DLGAP2: variants seen among roughly 807,000 people sequenced by gnomAD.
DLGAP2 encodes the protein disks large-associated protein 2.
Under a neutral mutation model 100.3 loss-of-function variants are expected in DLGAP2, and 26 were observed. The observed-to-expected ratio is 0.26, with a 90% CI of 0.19 to 0.36. The LOEUF (loss-of-function observed/expected upper bound fraction) is 0.36. Ranked by LOEUF, DLGAP2 falls within the 10% of genes least tolerant of loss-of-function variation. The probability of loss-of-function intolerance (pLI) is 1.00; values close to 1 mark genes in which losing one functional copy is unlikely to be tolerated. For synonymous variants in DLGAP2, 886 were observed against 630.1 expected, an observed-to-expected ratio of 1.41 and a Z score of -6.08; for missense variants, 1,858 against 1,453.2, an observed-to-expected ratio of 1.28 and a Z score of -4.53.
chr8:1,497,750 G>A (rs1799591640), intron 3 of DLGAP2, among the ~76,000 whole-genome samples: 1 of 152,198 alleles, frequency 6.6e-6, no homozygotes, highest in African/African-American at 2.4e-5. Context: ...TAGAAGTACG[G>A]TAGTCCCCGC....
intron 6 of DLGAP2, among the ~76,000 whole-genome samples, chr8:1,615,455 A>G (rs1797118853): frequency 6.6e-6 from 1 of 152,252 alleles, no homozygotes; most frequent in Non-Finnish European, 1.5e-5. Context: ...GATGTGCTCA[A>G]AACGAAGCCT....
At position 1,548,783 on chromosome 8, in the gene DLGAP2, G is replaced by T. The variant is rs778327848; in HGVS notation, c.330G>T (p.Leu110=). The T allele has an allele frequency of 7.5e-6, 12 of 1,591,910 alleles. No individual in the cohort carries two copies. Among genetic ancestry groups the T allele is most frequent in the South Asian group, 3.4e-5 (3 of 88,824 alleles). The change falls in exon 5 of 15, where the codon CTG becomes CTT. Residue 110 remains leucine, a synonymous_variant. Transcript: ENST00000637795. ...CGCCCCCGGAGGACTGCGAGCACCT[G>T]CACCACGGGCCCGACGCGCGGCCGC... is the stretch of plus-strand genomic sequence containing the variant. ...GLAPPEDCEH[L]HHGPDARPPY... is the part of the protein sequence containing the mutation.
intron 2 of DLGAP2, among the ~76,000 whole-genome samples, chr8:1,019,954 A>G (rs1009694301): frequency 1.3e-5 from 2 of 152,234 alleles, no homozygotes; most frequent in Non-Finnish European, 2.9e-5. Context: ...TTTCCCCAGC[A>G]GCACGATAAA....
At chr8:1,417,558 G>T (rs572963196) in intron 3 of DLGAP2, among the ~76,000 whole-genome samples, 1 of 145,934 alleles carries the variant, frequency 6.9e-6, no homozygotes, top group Admixed American at 6.9e-5. Flanking sequence ...CCGAAGCCCA[G>T]AACAGGGGAG....
chr8:1,087,597 A>G (rs532801908), intron 2 of DLGAP2, among the ~76,000 whole-genome samples: 1 of 145,182 alleles, frequency 6.9e-6, no homozygotes, highest in East Asian at 2.0e-4. Context: ...TTCATCTTCT[A>G]GGCTGTCTCC....
intron 3 of DLGAP2, among the ~76,000 whole-genome samples, chr8:1,374,287 G>T (rs1028225182): frequency 6.6e-6 from 1 of 152,192 alleles, no homozygotes; most frequent in Non-Finnish European, 1.5e-5. Context: ...AGGCTGTGTG[G>T]TGGAGGTGGG....
chr8:1,151,585 G>A (rs2129051573), intron 2 of DLGAP2, among the ~76,000 whole-genome samples: 1 of 152,294 alleles, frequency 6.6e-6, no homozygotes, highest in Admixed American at 6.5e-5. Context: ...TGAGGGAGGT[G>A]AGGGGCACCT....
chr8:1,080,287 C>T (rs906458147), intron 2 of DLGAP2, among the ~76,000 whole-genome samples: 1 of 152,206 alleles, frequency 6.6e-6, no homozygotes, highest in Admixed American at 6.5e-5. Flanking sequence ...CGCCCCGCCG[C>T]CCGCGTGCTG....
At chr8:836,265 C>G (rs1796873679) in intron 1 of DLGAP2, among the ~76,000 whole-genome samples, 1 of 152,212 alleles carries the variant, frequency 6.6e-6, no homozygotes. Flanking sequence ...CGGGAGATGA[C>G]TGTCCCCGTC....
intron 8 of DLGAP2, among the ~76,000 whole-genome samples, chr8:1,640,443 G>A (rs956538511): frequency 1.8e-4 from 27 of 152,178 alleles, no homozygotes; most frequent in African/African-American, 5.3e-4. Context: ...TGGCAACAAC[G>A]ATATCGTGCG....
rs190255840 is a variant in DLGAP2, at chr8:803,587, G to A, written c.18+65762G>A. On this transcript the variant is annotated intron_variant, in intron 1 of 14. Transcript: ENST00000637795. The stretch of plus-strand genomic sequence containing the variant: ...ACCGAGAAGCATCACACATCTACAC[G>A]CCCGGCATTCTGCTTTTAAGTTAGT... 7.4e-4 allele frequency among the ~76,000 whole-genome samples: 113 copies of A among 151,952 alleles called. 1 individual carries two copies. Among genetic ancestry groups the A allele is most frequent in the Middle Eastern group, 3.4e-3 (1 of 292 alleles).
At chr8:1,539,786 A>G (rs1364609114) in intron 4 of DLGAP2, among the ~76,000 whole-genome samples, 1 of 152,112 alleles carries the variant, frequency 6.6e-6, no homozygotes, top group East Asian at 1.9e-4. Flanking sequence ...TGGATGTGTG[A>G]CACACCTCAG....
At chr8:1,424,671 A>G (rs1034747058) in intron 3 of DLGAP2, among the ~76,000 whole-genome samples, 5 of 152,226 alleles carry the variant, frequency 3.3e-5, no homozygotes, top group African/African-American at 1.2e-4. Context: ...ATCCCCTTAC[A>G]CACAGCACCT....
intron 3 of DLGAP2, among the ~76,000 whole-genome samples, chr8:1,491,274 C>G (rs763005724): frequency 5.3e-5 from 8 of 152,164 alleles, no homozygotes; most frequent in Non-Finnish European, 8.8e-5. Flanking sequence ...CAGCCCTGCC[C>G]AGGAACTGCC....
At chr8:1,429,855 C>T (rs2129976816) in intron 3 of DLGAP2, among the ~76,000 whole-genome samples, 1 of 150,602 alleles carries the variant, frequency 6.6e-6, no homozygotes, top group East Asian at 2.0e-4. Flanking sequence ...CTGATTTGTC[C>T]AAGGTGATCT....
chr8:1,021,164 T>C (rs1265319861), intron 2 of DLGAP2, among the ~76,000 whole-genome samples: 1 of 152,220 alleles, frequency 6.6e-6, no homozygotes, highest in Non-Finnish European at 1.5e-5. Context: ...TAAATAGCTC[T>C]AGTAAAAGTG....
At chr8:1,094,068 C>CTT in intron 2 of DLGAP2, among the ~76,000 whole-genome samples, 1 of 151,510 alleles carries the variant, frequency 6.6e-6, no homozygotes, top group African/African-American at 2.4e-5. Context: ...GGGAGGGCAG[C>CTT]TGCGAGGTGG....
chr8:1,332,912 C>T lies in DLGAP2; in HGVS notation c.106+74029C>T, dbSNP rs561065204. Among the ~76,000 whole-genome samples the T allele has an allele frequency of 3.0e-4, 45 of 152,304 alleles. 1 individual carries two copies. The South Asian group carries it at 9.3e-3, about 32-fold the overall frequency. On this transcript the variant is annotated intron_variant, in intron 3 of 14. Transcript: ENST00000637795. ...CTGGGTGTGTCTGGGAGTGGGACCA[C>T]TTGCTGATGTTTCCTCAGAGAGCCC...
chr8:1,061,435 C>T lies in DLGAP2; in HGVS notation c.73+153469C>T, dbSNP rs933612423. Among the ~76,000 whole-genome samples the T allele has an allele frequency of 5.9e-5, 9 of 152,128 alleles. No individual in the cohort carries two copies. The East Asian group carries it at 9.6e-4, about 16-fold the overall frequency. On this transcript the variant is annotated intron_variant, in intron 2 of 14. Transcript: ENST00000637795. ...CCACGTGTTCGTTGAGGGAAAACCA[C>T]GCTGCCAGTTAGAATTTACAGTTAT...
Sources: gnomAD v4.1 joint callset for allele counts (sites outside exome capture counted in the v4.1 genomes callset) on GRCh38, gnomAD v4.1.1 for gene constraint, MANE v1.5 for transcripts, NCBI Gene and HGNC (gene_info 2026-07-23, HGNC 2026-07-21) for gene names.